QKI: variants seen among roughly 807,000 people sequenced by gnomAD.
QKI encodes the protein KH domain-containing RNA-binding protein QKI.
A neutral mutation model predicts 39.0 loss-of-function variants in QKI; 10 were observed. The observed-to-expected ratio is 0.26, with a 90% confidence interval of 0.16 to 0.43. QKI has a LOEUF of 0.43. Among genes scored for constraint, QKI ranks in the 20% least tolerant of loss-of-function variants. QKI has a pLI of 1.00. For missense variants in QKI, 218 were observed against 428.0 expected (o/e 0.51, Z 4.33); for synonymous variants, 204 against 155.4 (o/e 1.31, Z -2.33).
intron 1 of QKI, among the ~76,000 whole-genome samples, chr6:163,421,548 AG>A (rs771976833): frequency 3.5e-5 from 5 of 142,868 alleles, no homozygotes; most frequent in Non-Finnish European, 7.7e-5. Context: ...TGGTGTGTTC[AG>A]GATAACGACT....
intron 2 of QKI, among the ~76,000 whole-genome samples, chr6:163,472,231 A>G (rs1792258630): frequency 6.6e-6 from 1 of 152,144 alleles, no homozygotes. Context: ...AGCCATTGAG[A>G]AGAAAATGTT....
intron 2 of QKI, among the ~76,000 whole-genome samples, chr6:163,475,821 G>T (rs1374536221): frequency 6.6e-6 from 1 of 152,148 alleles, no homozygotes; most frequent in Non-Finnish European, 1.5e-5. Context: ...AGGGTGGGGA[G>T]AGACTTCTTT....
chr6:163,566,921 T>A, intron 7 of QKI, 126 bp downstream of exon 7: 2 of 1,458,114 alleles, frequency 1.4e-6, no homozygotes, highest in East Asian at 5.1e-5. Flanking sequence ...TTTTCTAAAT[T>A]TGTTTGTGAT....
chr6:163,519,391 G>T lies in QKI; in HGVS notation c.403-15591G>T, dbSNP rs182449386. Among the ~76,000 whole-genome samples the T allele has an allele frequency of 1.4e-4, 22 of 152,068 alleles. No homozygotes were observed. In the East Asian group the frequency reaches 4.1e-3, roughly 28 times the overall value. On this transcript the variant is annotated intron_variant, in intron 3 of 7. Coordinates refer to ENST00000361752, the MANE Select transcript of QKI (RefSeq NM_006775.3). ...TTGACAAAAGGGGACCTCAGAGATCGTGCCAGATTTCCTGTGGGCCTTAAA... is the reference window on the plus strand; with the variant it reads ...TTGACAAAAGGGGACCTCAGAGATCTTGCCAGATTTCCTGTGGGCCTTAAA...
chr6:163,440,277 A>G lies in QKI; in HGVS notation c.143-15002A>G, dbSNP rs76679698. On this transcript the variant is annotated intron_variant, in intron 1 of 7. Coordinates refer to ENST00000361752, the MANE Select transcript of QKI (RefSeq NM_006775.3). ...GCTGGAGAGGCCAAATGGTATGAGTAAAAGAATACAGCTTTTGGAGTCAGC... is the reference window on the plus strand; with the variant it reads ...GCTGGAGAGGCCAAATGGTATGAGTGAAAGAATACAGCTTTTGGAGTCAGC... Among the ~76,000 whole-genome samples, 390 of 152,332 alleles carry G rather than the reference A, an allele frequency of 2.6e-3. 2 individuals carry two copies. Among genetic ancestry groups the G allele is most frequent in the African/African-American group, 8.9e-3 (368 of 41,574 alleles).
intron 3 of QKI, among the ~76,000 whole-genome samples, chr6:163,501,286 T>TAAA (rs5881537): frequency 6.8e-6 from 1 of 146,626 alleles, no homozygotes; most frequent in Non-Finnish European, 1.5e-5. Context: ...GTTTTAACAT[T>TAAA]AAAAAAAAAA....
chr6:163,511,055 G>A (rs955721115), intron 3 of QKI, among the ~76,000 whole-genome samples: 1 of 152,136 alleles, frequency 6.6e-6, no homozygotes, highest in East Asian at 1.9e-4. Context: ...AGGTACAAAG[G>A]ATTAAGATTA....
In QKI at chr6:163,557,818, TAA is replaced by T. The variant is rs563335411; in HGVS notation, c.547-4152_547-4151del. ...CACCTACTGTGTGCCCACAAAAACTTAAAAAAAAAAAAAGAAATATCGTGACT... is the reference window on the plus strand; with the variant it reads ...CACCTACTGTGTGCCCACAAAAACTTAAAAAAAAAAAGAAATATCGTGACT... On this transcript the variant is annotated intron_variant, in intron 4 of 7. Coordinates refer to ENST00000361752, the MANE Select transcript of QKI (RefSeq NM_006775.3). 6.6e-3 allele frequency among the ~76,000 whole-genome samples: 943 copies of T among 142,432 alleles called. 12 individuals carry two copies. Among genetic ancestry groups the T allele is most frequent in the African/African-American group, 0.022 (881 of 39,464 alleles). 93.4% of individuals were successfully genotyped at this position (142,432 alleles called of 152,430 possible). A position where few individuals can be genotyped will look rare whatever the true frequency, so the allele number is the denominator to read the frequency against.
rs575684450 is a variant in QKI at position 163,577,283 on chromosome 6, G to C, written c.*6573G>C. ...TTTGTTAAAGTAGCCCACAGTTGCA[G>C]GATCCATAGCACCGTCGTGCAGACT... is the stretch of plus-strand genomic sequence containing the variant. On this transcript the variant is annotated 3_prime_UTR_variant, in exon 8 of 8. Transcript: ENST00000361752. 6.6e-6 allele frequency: 1 copy of C among 152,198 alleles called. No homozygotes were observed. Among genetic ancestry groups the C allele is most frequent in the South Asian group, 2.1e-4 (1 of 4,818 alleles). 9.4% of individuals were successfully genotyped at this position (152,198 alleles called of 1,614,324 possible).
chr6:163,536,729 A>G (rs1219990488), intron 4 of QKI, among the ~76,000 whole-genome samples: 1 of 152,234 alleles, frequency 6.6e-6, no homozygotes, highest in Non-Finnish European at 1.5e-5. Context: ...CATAAGGTAA[A>G]ATCAGTTCCT....
chr6:163,426,279 T>G (rs1788401225), intron 1 of QKI, among the ~76,000 whole-genome samples: 1 of 152,048 alleles, frequency 6.6e-6, no homozygotes, highest in African/African-American at 2.4e-5. Context: ...TGATTTAACT[T>G]GTTCAGGGCT....
chr6:163,485,590 AGAG>A, intron 3 of QKI, among the ~76,000 whole-genome samples: 1 of 146,306 alleles, frequency 6.8e-6, no homozygotes, highest in Admixed American at 6.6e-5. Context: ...CTCATAAACA[AGAG>A]GAGAATAAGT....
rs369372840 is a variant in QKI at position 163,415,366 on chromosome 6, C to T, written c.142+31C>T. 233 of 1,561,352 alleles carry T rather than the reference C, an allele frequency of 1.5e-4. No individual in the cohort carries two copies. The African/African-American group carries it at 2.8e-3, about 19-fold the overall frequency. On this transcript the variant is annotated intron_variant, in intron 1 of 7. Coordinates refer to ENST00000361752, the MANE Select transcript of QKI (RefSeq NM_006775.3). ...CGTCTCCAGGGCCCCGGCCCCGGCC[C>T]GACCCCCGCCGGGGCGGCCCCTTTC...
chr6:163,562,155 G>C, intron 5 of QKI, 86 bp downstream of exon 5: 4 of 879,574 alleles, frequency 4.5e-6, no homozygotes, highest in Non-Finnish European at 5.1e-6. Context: ...CACAATAATA[G>C]TTCATACAAA....
At chr6:163,498,188 T>TAAAAAAA (rs10650302) in intron 3 of QKI, among the ~76,000 whole-genome samples, 142 of 125,550 alleles carry the variant, frequency 1.1e-3, no homozygotes, top group East Asian at 3.4e-3. Flanking sequence ...GCAGCTGTGG[T>TAAAAAAA]AAAAAAAAAA....
At chr6:163,566,668 TC>T (rs35340672) in intron 6 of QKI, 52 bp from the exon 7 acceptor site, 3 of 1,599,984 alleles carry the variant, frequency 1.9e-6, no homozygotes, top group South Asian at 1.1e-5. Flanking sequence ...TAATGTTTTT[TC>T]CCCCCTTGTG....
intron 1 of QKI, among the ~76,000 whole-genome samples, chr6:163,439,496 C>T (rs150954533): frequency 0.025 from 3,714 of 150,530 alleles, 149 homozygotes; most frequent in African/African-American, 0.085. Context: ...TACAGGTGCC[C>T]GCCACCACAC....
At chr6:163,508,550 A>G (rs113762807) in intron 3 of QKI, among the ~76,000 whole-genome samples, 1 of 128,646 alleles carries the variant, frequency 7.8e-6, no homozygotes, top group Non-Finnish European at 1.7e-5. Context: ...TTTTTTTATG[A>G]TGGCGTTTCA....
intron 3 of QKI, among the ~76,000 whole-genome samples, chr6:163,479,692 T>C (rs1792921459): frequency 6.6e-6 from 1 of 152,226 alleles, no homozygotes; most frequent in Admixed American, 6.5e-5. Context: ...TAATTATCAT[T>C]TTTTACTTAG....
Sources: allele counts gnomAD v4.1 joint callset (sites outside exome capture counted in the v4.1 genomes callset), GRCh38; gene constraint gnomAD v4.1.1; transcripts MANE v1.5; gene names NCBI Gene and HGNC (gene_info 2026-07-23, HGNC 2026-07-21).